ZNF587: variants seen among roughly 807,000 people sequenced by gnomAD.
ZNF587 encodes the protein zinc finger protein 587.
Under a neutral mutation model 7.5 loss-of-function variants are expected in ZNF587, and 8 were observed. The observed-to-expected ratio is 1.06, with a 90% CI of 0.62 to 1.92. ZNF587 has a LOEUF of 1.92. Among genes scored for constraint, ZNF587 ranks in the 40% most tolerant of loss-of-function variants. The probability of loss-of-function intolerance (pLI) is 0.00; values close to 1 mark genes in which losing one functional copy is unlikely to be tolerated. For synonymous variants in ZNF587, 145 were observed against 237.8 expected, an observed-to-expected ratio of 0.61 and a Z score of 3.59; for missense variants, 468 against 692.8, an observed-to-expected ratio of 0.68 and a Z score of 3.64.
chr19:57,857,717 C>T (rs1034656331), intron 2 of ZNF587, among the ~76,000 whole-genome samples: 17 of 151,958 alleles, frequency 1.1e-4, no homozygotes, highest in Admixed American at 3.3e-4. Context: ...TCAGTGTAAC[C>T]TCTGCCTCCT....
chr19:57,860,564 G>T lies in ZNF587; in HGVS notation c.*424G>T. 4.3e-6 allele frequency: 1 copy of T among 232,330 alleles called. No homozygotes were observed. The highest frequency in any genetic ancestry group is 8.5e-6 in the Non-Finnish European group (1 of 116,998). The allele number at this position is 232,330 out of a possible 1,614,324, so 14.4% of individuals were successfully genotyped here. On this transcript the variant is annotated 3_prime_UTR_variant, in exon 3 of 3. Transcript: ENST00000339656. Reference sequence around the variant, plus strand: ...ATTACAGGCATGAGCCTCTGCACCTGGCCTTCATTCTTTTCGTATTGCTTA... The same window carrying T: ...ATTACAGGCATGAGCCTCTGCACCTTGCCTTCATTCTTTTCGTATTGCTTA...
chr19:57,850,835 T>A lies in ZNF587; in HGVS notation c.33+764T>A, dbSNP rs115986587. The A allele has an allele frequency of 4.8e-3, 1,626 of 338,370 alleles. 34 individuals carry two copies. The highest frequency in any genetic ancestry group is 0.031 in the African/African-American group (1,483 of 47,488). 21.0% of individuals were successfully genotyped at this position (338,370 alleles called of 1,614,324 possible). A position where few individuals can be genotyped will look rare whatever the true frequency, so the allele number is the denominator to read the frequency against. On this transcript the variant is annotated intron_variant, in intron 1 of 2. Transcript: ENST00000339656. ...AAAGGATTAATCAGTAAAGGAGAAC[T>A]CGTGAGTCATTCCATAAGATGTAAA... is the stretch of plus-strand genomic sequence containing the variant.
Position 57,859,624 on chromosome 19 carries a change from A to C in ZNF587, c.1212A>C (p.Gly404=), listed in dbSNP as rs752404285. 1 of 1,614,110 alleles carries C rather than the reference A, an allele frequency of 6.2e-7. No individual in the cohort carries two copies. Among genetic ancestry groups the C allele is most frequent in the East Asian group, 2.2e-5 (1 of 44,874 alleles). The change falls in exon 3 of 3, where the codon GGA becomes GGC. Residue 404 remains glycine (G), a synonymous_variant. Coordinates refer to ENST00000339656, the MANE Select transcript of ZNF587 (RefSeq NM_032828.4). ...TTCACCATCAGCGAGGTCATACTGG[A>C]GAAAGGCCCTATGAGTGCAAGGAAT... ...NLVHHQRGHT[G]ERPYECKECG...
chr19:57,863,118 T>A lies in ZNF587; in HGVS notation c.*2978T>A, dbSNP rs1178765955. On this transcript the variant is annotated 3_prime_UTR_variant, in exon 3 of 3. Coordinates refer to ENST00000339656, the MANE Select transcript of ZNF587 (RefSeq NM_032828.4). Reference sequence around the variant, plus strand: ...AAGCGCCCACCACGTCAGCTTAATTTTTTTGTTTTGTTTCTTGAGACAGAG... The same window carrying A: ...AAGCGCCCACCACGTCAGCTTAATTATTTTGTTTTGTTTCTTGAGACAGAG... The A allele has an allele frequency of 1.3e-5, 2 of 152,570 alleles. No individual in the cohort carries two copies. The highest frequency in any genetic ancestry group is 2.9e-5 in the Non-Finnish European group (2 of 68,202). 9.5% of individuals were successfully genotyped at this position (152,570 alleles called of 1,614,324 possible). A position where few individuals can be genotyped will look rare whatever the true frequency, so the allele number is the denominator to read the frequency against.
In ZNF587 at chr19:57,859,993, A is replaced by T; in HGVS notation, c.1581A>T (p.Lys527Asn). ...QKPYKCSECGKSFSECSSLIK... is the reference protein window; with the variant it reads ...QKPYKCSECGNSFSECSSLIK... ...CTTATAAGTGCAGTGAATGTGGAAA[A>T]TCCTTTTCTGAATGTTCCAGTCTCA... Residue 527 changes from lysine to asparagine, a missense_variant, in exon 3 of 3, where the codon AAA becomes AAT. By Grantham distance (94) the Lys-to-Asn change is moderately conservative (BLOSUM62 0). Around this residue, in one of 5 missense-constraint regions of ZNF587, gnomAD observed 310 missense variants for 325.6 expected, o/e 0.95. Coordinates refer to ENST00000339656, the MANE Select transcript of ZNF587 (RefSeq NM_032828.4). The T allele has an allele frequency of 6.2e-7, 1 of 1,614,104 alleles. No individual in the cohort carries two copies. The highest frequency in any genetic ancestry group is 8.5e-7 in the Non-Finnish European group (1 of 1,179,996).
chr19:57,856,534 A>G (rs1457765767), intron 2 of ZNF587, among the ~76,000 whole-genome samples: 3 of 151,580 alleles, frequency 2.0e-5, no homozygotes, highest in Non-Finnish European at 4.4e-5. Flanking sequence ...CAGCCTCTCA[A>G]GTAGCTGGGA....
intron 1 of ZNF587, among the ~76,000 whole-genome samples, chr19:57,853,389 G>T (rs527726915): frequency 1.3e-5 from 2 of 152,326 alleles, no homozygotes; most frequent in African/African-American, 4.8e-5. Flanking sequence ...GGGTATCTGG[G>T]AGGGTGTTGA....
In ZNF587 at chr19:57,860,000, T is replaced by G. The variant is rs143136357; in HGVS notation, c.1588T>G (p.Ser530Ala). Residue 530 changes from serine (S) to alanine (A), a missense_variant, in exon 3 of 3, where the codon TCT (serine) becomes GCT (alanine). Physicochemically the swap from Ser to Ala is moderately conservative, Grantham distance 99. Around this residue, in one of 5 missense-constraint regions of ZNF587, gnomAD observed 310 missense variants for 325.6 expected, o/e 0.95. Coordinates refer to ENST00000339656, the MANE Select transcript of ZNF587 (RefSeq NM_032828.4). ...YKCSECGKSF[S>A]ECSSLIKHRR... ...GTGCAGTGAATGTGGAAAATCCTTT[T>G]CTGAATGTTCCAGTCTCATTAAACA... 13,355 of 1,608,510 alleles carry G rather than the reference T, an allele frequency of 8.3e-3. 116 individuals carry two copies. Among genetic ancestry groups the G allele is most frequent in the African/African-American group, 0.02 (1,475 of 74,376 alleles).
intron 1 of ZNF587, chr19:57,850,350 C>A: frequency 1.6e-6 from 1 of 618,942 alleles, no homozygotes; most frequent in Non-Finnish European, 2.8e-6. Context: ...TTATTCAAAT[C>A]AGTCTCCCTG....
At chr19:57,854,830 C>A (rs1278220140) in intron 1 of ZNF587, among the ~76,000 whole-genome samples, 1 of 151,582 alleles carries the variant, frequency 6.6e-6, no homozygotes, top group Non-Finnish European at 1.5e-5. Context: ...CACTTGAGAC[C>A]AGAAATTCAA....
chr19:57,851,925 G>A (rs986213030), intron 1 of ZNF587: 3 of 161,402 alleles, frequency 1.9e-5, no homozygotes, highest in African/African-American at 7.2e-5. Flanking sequence ...CCAGCCTTAG[G>A]GTTACCTGGT....
rs2071448447 is a variant in ZNF587, at chr19:57,862,659, G to A, written c.*2519G>A. The stretch of plus-strand genomic sequence containing the variant: ...ATGTCGACACTGCAGCCACAGTTTT[G>A]GCCGTAAATGTGAATTTGGCAAGTA... On this transcript the variant is annotated 3_prime_UTR_variant, in exon 3 of 3. Transcript: ENST00000339656. The A allele has an allele frequency of 6.5e-6, 1 of 154,854 alleles. No individual in the cohort carries two copies. The highest frequency in any genetic ancestry group is 1.5e-5 in the Non-Finnish European group (1 of 68,250). The allele number at this position is 154,854 out of a possible 1,614,324, so 9.6% of individuals were successfully genotyped here. A position where few individuals can be genotyped will look rare whatever the true frequency, so the allele number is the denominator to read the frequency against.
intron 1 of ZNF587, among the ~76,000 whole-genome samples, chr19:57,853,402 C>A (rs1219590338): frequency 2.0e-5 from 3 of 152,292 alleles, no homozygotes; most frequent in African/African-American, 7.2e-5. Flanking sequence ...GGTGTTGATA[C>A]TGGAGACATC....
At chr19:57,851,380 C>A (rs368613859) in intron 1 of ZNF587, 43 of 152,330 alleles carry the variant, frequency 2.8e-4, no homozygotes, top group African/African-American at 8.9e-4. Flanking sequence ...GAACTGAATT[C>A]TTTTCCAAAG....
At position 57,860,007 on chromosome 19, in the gene ZNF587, G is replaced by A; in HGVS notation, c.1595G>A (p.Cys532Tyr). 7 of 1,613,712 alleles carry A rather than the reference G, an allele frequency of 4.3e-6. No homozygotes were observed. The highest frequency in any genetic ancestry group is 5.9e-6 in the Non-Finnish European group (7 of 1,179,924). ...GAATGTGGAAAATCCTTTTCTGAAT[G>A]TTCCAGTCTCATTAAACACAGGAGA... ...CSECGKSFSE[C>Y]SSLIKHRRIH... The change falls in exon 3 of 3, where the codon TGT becomes TAT. Residue 532 changes from cysteine to tyrosine, a missense_variant. Cys to Tyr is a radical substitution (Grantham distance 194). Around this residue, in one of 5 missense-constraint regions of ZNF587, gnomAD observed 310 missense variants for 325.6 expected, o/e 0.95. Transcript: ENST00000339656.
At position 57,864,616 on chromosome 19, in the gene ZNF587, G is replaced by A. The variant is rs2071482766; in HGVS notation, c.*4476G>A. 6.6e-6 allele frequency: 1 copy of A among 152,128 alleles called. No homozygotes were observed. The highest frequency in any genetic ancestry group is 2.1e-4 in the South Asian group (1 of 4,830). 9.4% of individuals were successfully genotyped at this position (152,128 alleles called of 1,614,324 possible). A position where few individuals can be genotyped will look rare whatever the true frequency, so the allele number is the denominator to read the frequency against. ...CACATACAGGCACATACATGAAATA[G>A]TGATACTTCATTCTCAGTAATATCT... On this transcript the variant is annotated 3_prime_UTR_variant, in exon 3 of 3. Transcript: ENST00000339656.
In ZNF587 at chr19:57,854,395, C is replaced by T. The variant is rs1185901128; in HGVS notation, c.34-1709C>T. 9.9e-5 allele frequency among the ~76,000 whole-genome samples: 15 copies of T among 152,146 alleles called. No homozygotes were observed. In the East Asian group the frequency reaches 2.7e-3, roughly 27 times the overall value. On this transcript the variant is annotated intron_variant, in intron 1 of 2. Transcript: ENST00000339656. ...ACTGCTATTGTAAACCATGGAAATT[C>T]TGTGTTAATATTGGATGCTATTTGT...
At chr19:57,855,201 C>G (rs952567837) in intron 1 of ZNF587, among the ~76,000 whole-genome samples, 5 of 151,368 alleles carry the variant, frequency 3.3e-5, no homozygotes, top group Non-Finnish European at 7.4e-5. Flanking sequence ...AAAAATTAGC[C>G]GAGTGTAGTG....
In ZNF587 at chr19:57,855,566, T is replaced by C. The variant is rs561033940; in HGVS notation, c.34-538T>C. On this transcript the variant is annotated intron_variant, in intron 1 of 2. Coordinates refer to ENST00000339656, the MANE Select transcript of ZNF587 (RefSeq NM_032828.4). ...CAGAAGGGGGTGTGGGCTTTTTTTG[T>C]TTTTTTTTTTTTTGAGATGGTGTCT... is the stretch of plus-strand genomic sequence containing the variant. 1.4e-4 allele frequency among the ~76,000 whole-genome samples: 15 copies of C among 108,006 alleles called. No individual in the cohort carries two copies. The South Asian group carries it at 1.9e-3, about 14-fold the overall frequency. The allele number at this position is 108,006 out of a possible 152,430, so 70.9% of individuals were successfully genotyped here.
Sources: allele counts gnomAD v4.1 joint callset (sites outside exome capture counted in the v4.1 genomes callset), GRCh38; gene constraint gnomAD v4.1.1; regional missense constraint gnomAD v4.1.1; transcripts MANE v1.5; gene names NCBI Gene and HGNC (gene_info 2026-07-23, HGNC 2026-07-21).